Variants in STK3 observed in about 807,000 individuals in gnomAD.
The protein encoded by STK3 is serine/threonine kinase 3.
Under a neutral mutation model 58.0 loss-of-function variants are expected in STK3, and 41 were observed. The ratio of observed to expected loss-of-function variants is 0.71; its 90% CI spans 0.55 to 0.92. The LOEUF (loss-of-function observed/expected upper bound fraction) is 0.92. Ranked by LOEUF, STK3 falls within the 40% of genes least tolerant of loss-of-function variation. The pLI is 0.00. For missense variants in STK3, 479 were observed against 602.7 expected (o/e 0.79, Z 2.15); for synonymous variants, 170 against 191.0 (o/e 0.89, Z 0.91).
At chr8:98,400,752 T>C (rs6468637), downstream of STK3, among the ~76,000 whole-genome samples, 138,389 of 152,256 alleles carry the variant, frequency 0.91, 63,153 homozygotes, top group Admixed American at 0.95. Flanking sequence ...TTGAAGTCTA[T>C]TTCAGTTAAT....
intron 6 of STK3, among the ~76,000 whole-genome samples, chr8:98,684,729 A>G (rs1201547891): frequency 1.3e-5 from 2 of 152,192 alleles, no homozygotes; most frequent in African/African-American, 2.4e-5. Context: ...CGTAGCAACA[A>G]TAGAAGCATT....
intron 10 of STK3, among the ~76,000 whole-genome samples, chr8:98,512,334 G>A (rs1824584951): frequency 1.3e-5 from 2 of 152,152 alleles, no homozygotes. Context: ...ATTGTTCTAA[G>A]TTCCTTAGTA....
At chr8:98,591,248 C>G (rs1484469834) in intron 7 of STK3, among the ~76,000 whole-genome samples, 1 of 152,156 alleles carries the variant, frequency 6.6e-6, no homozygotes, top group Non-Finnish European at 1.5e-5. Flanking sequence ...GGGTAATTAA[C>G]CAATATTCTA....
chr8:98,607,897 T>C (rs1816896671), intron 6 of STK3, among the ~76,000 whole-genome samples: 1 of 152,156 alleles, frequency 6.6e-6, no homozygotes, highest in South Asian at 2.1e-4. Context: ...ACTTAACAGT[T>C]TCCTAGTATT....
intron 1 of STK3, among the ~76,000 whole-genome samples, chr8:98,381,865 A>T (rs1382468866): frequency 5.9e-5 from 9 of 152,248 alleles, no homozygotes; most frequent in Non-Finnish European, 1.0e-4. Context: ...GGTCATGTAG[A>T]TACATGGCTG....
At chr8:98,560,202 A>G (rs1811899867) in intron 8 of STK3, among the ~76,000 whole-genome samples, 1 of 152,162 alleles carries the variant, frequency 6.6e-6, no homozygotes, top group Non-Finnish European at 1.5e-5. Flanking sequence ...GAAACATATT[A>G]AAGTTAAAAG....
At chr8:98,705,501 T>C (rs1277669190) in intron 6 of STK3, among the ~76,000 whole-genome samples, 1 of 152,174 alleles carries the variant, frequency 6.6e-6, no homozygotes, top group Non-Finnish European at 1.5e-5. Flanking sequence ...CTGTTACCTA[T>C]ATTATCGAAA....
intron 7 of STK3, among the ~76,000 whole-genome samples, chr8:98,590,754 A>T (rs1463949940): frequency 6.6e-6 from 1 of 152,220 alleles, no homozygotes; most frequent in African/African-American, 2.4e-5. Context: ...TCATGTAGAA[A>T]GCATGGAGTT....
At chr8:98,704,769 C>T (rs1370322612) in intron 6 of STK3, among the ~76,000 whole-genome samples, 1 of 152,116 alleles carries the variant, frequency 6.6e-6, no homozygotes, top group Non-Finnish European at 1.5e-5. Context: ...TCAAATTTAA[C>T]ATGTTGAACT....
chr8:98,781,357 A>C (rs764482994), intron 1 of STK3, among the ~76,000 whole-genome samples: 5 of 152,210 alleles, frequency 3.3e-5, no homozygotes, highest in Non-Finnish European at 7.3e-5. Context: ...AAGGTTCAGC[A>C]ATCTATCTAG....
chr8:98,866,037 A>G (rs887672195), intron 3 of STK3, among the ~76,000 whole-genome samples: 1 of 151,292 alleles, frequency 6.6e-6, no homozygotes, highest in Non-Finnish European at 1.5e-5. Flanking sequence ...CTGCCTGCAC[A>G]CTGTGGCTGC....
intron 3 of STK3, among the ~76,000 whole-genome samples, chr8:98,402,423 G>A (rs1049012893): frequency 1.3e-5 from 2 of 152,218 alleles, no homozygotes; most frequent in African/African-American, 4.8e-5. Flanking sequence ...GCTCCCTGGA[G>A]TCTGTGTTTG....
At chr8:98,691,809 G>A (rs1256612659) in intron 6 of STK3, among the ~76,000 whole-genome samples, 1 of 151,902 alleles carries the variant, frequency 6.6e-6, no homozygotes, top group African/African-American at 2.4e-5. Flanking sequence ...GCGCGCATCT[G>A]TAATCCCAGC....
At chr8:98,716,647 A>C (rs1827038493) in intron 4 of STK3, among the ~76,000 whole-genome samples, 1 of 152,150 alleles carries the variant, frequency 6.6e-6, no homozygotes, top group Admixed American at 6.6e-5. Flanking sequence ...CAAAATCCCA[A>C]TGATGTTTAT....
chr8:98,625,613 G>A lies in STK3; in HGVS notation c.685-29444C>T, dbSNP rs1410741102. ...ACTGATTATGCCTTTTCATAATGAT[G>A]CCAGGATGAACAGTAACTCATCTGT... On this transcript the variant is annotated intron_variant, in intron 6 of 10. Coordinates refer to ENST00000419617, the MANE Select transcript of STK3 (RefSeq NM_006281.4). Among the ~76,000 whole-genome samples the A allele has an allele frequency of 2.6e-5, 4 of 152,220 alleles. No homozygotes were observed. The South Asian group carries it at 6.2e-4, about 24-fold the overall frequency.
At chr8:98,453,690 G>A (rs570942015), downstream of STK3, among the ~76,000 whole-genome samples, 3 of 152,338 alleles carry the variant, frequency 2.0e-5, no homozygotes, top group Non-Finnish European at 4.4e-5. Context: ...ATTGAATTAA[G>A]AGTGGTTAAC....
At chr8:98,861,320 A>T (rs1201258872) in intron 3 of STK3, among the ~76,000 whole-genome samples, 2 of 112,294 alleles carry the variant, frequency 1.8e-5, no homozygotes, top group Non-Finnish European at 3.8e-5. Context: ...CTTGCAATGT[A>T]TTCTTAGGGC....
intron 3 of STK3, chr8:98,429,131 C>T (rs772706491): frequency 6.2e-7 from 1 of 1,613,204 alleles, no homozygotes; most frequent in African/African-American, 1.3e-5. Context: ...TCCCAGGGAC[C>T]ACGGCAGGAA....
chr8:98,773,798 T>C (rs1831478330), intron 2 of STK3, among the ~76,000 whole-genome samples: 1 of 151,886 alleles, frequency 6.6e-6, no homozygotes, highest in Admixed American at 6.6e-5. Flanking sequence ...TTTATTTATT[T>C]ATTTATTTAT....
Sources: allele counts gnomAD v4.1 joint callset (sites outside exome capture counted in the v4.1 genomes callset), GRCh38; gene constraint gnomAD v4.1.1; transcripts MANE v1.5; gene names NCBI Gene and HGNC (gene_info 2026-07-23, HGNC 2026-07-21).